FER: variants seen among roughly 807,000 people sequenced by gnomAD.
The protein encoded by FER is tyrosine-protein kinase Fer.
FER carries 63 observed loss-of-function variants against 111.0 expected under a neutral mutation model. The ratio of observed to expected loss-of-function variants is 0.57; its 90% CI spans 0.46 to 0.70. FER has a LOEUF of 0.70. Among genes scored for constraint, FER ranks in the 30% least tolerant of loss-of-function variants. The pLI is 0.00. For synonymous variants in FER, 327 were observed against 313.9 expected (o/e 1.04, Z -0.44); for missense variants, 914 against 954.0 (o/e 0.96, Z 0.55).
At chr5:108,913,342 A>C (rs900875146) in intron 10 of FER, among the ~76,000 whole-genome samples, 2 of 152,220 alleles carry the variant, frequency 1.3e-5, no homozygotes, top group Non-Finnish European at 2.9e-5. Flanking sequence ...CCTTGTATAT[A>C]AATACCAAAC....
At chr5:109,026,679 TTTG>T (rs1202561231) in intron 13 of FER, among the ~76,000 whole-genome samples, 1 of 152,104 alleles carries the variant, frequency 6.6e-6, no homozygotes, top group African/African-American at 2.4e-5. Context: ...ATTGTGACAT[TTTG>T]TTAATTATTC....
intron 3 of FER, among the ~76,000 whole-genome samples, chr5:108,804,916 T>C (rs947998536): frequency 6.6e-6 from 1 of 152,100 alleles, no homozygotes; most frequent in Non-Finnish European, 1.5e-5. Flanking sequence ...GTAGAATTGG[T>C]ACTACCTCTT....
intron 16 of FER, among the ~76,000 whole-genome samples, chr5:109,073,358 C>T (rs1366111997): frequency 6.6e-6 from 1 of 152,140 alleles, no homozygotes. Context: ...GGTTAGTGGT[C>T]AGAGCATTGA....
chr5:109,011,742 A>G (rs1185615717), intron 13 of FER, among the ~76,000 whole-genome samples: 1 of 152,180 alleles, frequency 6.6e-6, no homozygotes, highest in African/African-American at 2.4e-5. Context: ...ATCAAACCCA[A>G]TAAATCTACA....
intron 13 of FER, among the ~76,000 whole-genome samples, chr5:108,964,261 G>A (rs911397349): frequency 1.3e-5 from 2 of 152,126 alleles, no homozygotes; most frequent in Non-Finnish European, 2.9e-5. Flanking sequence ...TGTTTAGGTA[G>A]TGTGTGTGTA....
At chr5:108,917,257 T>A (rs1037498595) in intron 10 of FER, among the ~76,000 whole-genome samples, 1 of 152,186 alleles carries the variant, frequency 6.6e-6, no homozygotes, top group Non-Finnish European at 1.5e-5. Flanking sequence ...TTGCTCATTA[T>A]AATTTTAAAA....
intron 9 of FER, among the ~76,000 whole-genome samples, chr5:108,892,109 A>C (rs544703381): frequency 1.7e-4 from 26 of 152,266 alleles, no homozygotes; most frequent in African/African-American, 5.8e-4. Context: ...TATTGTGAAT[A>C]GTGCCACAAT....
intron 17 of FER, among the ~76,000 whole-genome samples, chr5:109,155,595 T>C (rs1458199074): frequency 6.6e-6 from 1 of 151,940 alleles, no homozygotes; most frequent in Non-Finnish European, 1.5e-5. Context: ...ATCTCAACAC[T>C]CATGGAGAAT....
chr5:109,108,176 A>G lies in FER; in HGVS notation c.2048+7657A>G, dbSNP rs564549613. Among the ~76,000 whole-genome samples, 38 of 152,192 alleles carry G rather than the reference A, an allele frequency of 2.5e-4. 1 individual carries two copies. Among genetic ancestry groups the G allele is most frequent in the Middle Eastern group, 6.8e-3 (2 of 294 alleles). ...TATGCTCATTTAACCTTATATTTCT[A>G]TGAGATTGGTACTATTTAATCTACA... On this transcript the variant is annotated intron_variant, in intron 17 of 19. Transcript: ENST00000281092.
chr5:109,016,609 A>G (rs920252415), intron 13 of FER, among the ~76,000 whole-genome samples: 4 of 152,072 alleles, frequency 2.6e-5, no homozygotes, highest in Admixed American at 6.6e-5. Flanking sequence ...ATGTAAATCA[A>G]ATGACTTAAT....
intron 10 of FER, among the ~76,000 whole-genome samples, chr5:108,904,277 G>A (rs891231893): frequency 2.0e-5 from 3 of 152,120 alleles, no homozygotes; most frequent in Admixed American, 6.5e-5. Flanking sequence ...TTGAAAAAAA[G>A]CAAGATTGGG....
intron 11 of FER, among the ~76,000 whole-genome samples, chr5:108,952,164 C>G (rs1229006891): frequency 6.6e-6 from 1 of 151,978 alleles, no homozygotes; most frequent in Non-Finnish European, 1.5e-5. Context: ...TGCTCCTACC[C>G]CCATATCTTT....
At chr5:108,774,354 C>T (rs62361337) in intron 2 of FER, among the ~76,000 whole-genome samples, 36,452 of 152,070 alleles carry the variant, frequency 0.24, 4,594 homozygotes, top group African/African-American at 0.32. Context: ...AGTGCTGCTG[C>T]AATAAACATA....
chr5:108,763,177 TGC>T, intron 1 of FER, among the ~76,000 whole-genome samples: 1 of 152,182 alleles, frequency 6.6e-6, no homozygotes, highest in Non-Finnish European at 1.5e-5. Flanking sequence ...AATGTGTCGT[TGC>T]CTCACGTAAC....
chr5:108,984,022 A>T (rs1762298760), intron 13 of FER, among the ~76,000 whole-genome samples: 2 of 152,146 alleles, frequency 1.3e-5, no homozygotes. Flanking sequence ...CAGTAAAAAA[A>T]CAAAACAGAC....
In FER at chr5:109,149,447, ATAAATCT is replaced by A. The variant is rs553318494; in HGVS notation, c.2049-31297_2049-31291del. Among the ~76,000 whole-genome samples the A allele has an allele frequency of 1.3e-3, 197 of 152,334 alleles. 1 individual carries two copies. The highest frequency in any genetic ancestry group is 4.4e-3 in the African/African-American group (184 of 41,586). ...AGAAAACTGCTCTATTTGAGTCTTT[ATAAATCT>A]TATGAGGAGCTCTCAATTTCTTTAT... is the stretch of plus-strand genomic sequence containing the variant. On this transcript the variant is annotated intron_variant, in intron 17 of 19. Coordinates refer to ENST00000281092, the MANE Select transcript of FER (RefSeq NM_005246.4).
At chr5:109,149,457 T>C (rs1348518575) in intron 17 of FER, among the ~76,000 whole-genome samples, 3 of 152,226 alleles carry the variant, frequency 2.0e-5, no homozygotes, top group Non-Finnish European at 2.9e-5. Context: ...ATAAATCTTA[T>C]GAGGAGCTCT....
chr5:108,967,982 G>A (rs919032100), intron 13 of FER, among the ~76,000 whole-genome samples: 7 of 152,128 alleles, frequency 4.6e-5, no homozygotes, highest in African/African-American at 1.7e-4. Context: ...GCGTTTGTCT[G>A]CCTCTTGCTG....
intron 17 of FER, among the ~76,000 whole-genome samples, chr5:109,102,464 G>A (rs776215127): frequency 1.3e-5 from 2 of 152,092 alleles, no homozygotes; most frequent in African/African-American, 2.4e-5. Flanking sequence ...GCCATAAAGA[G>A]TCCAGTGATC....
Sources: gnomAD v4.1 joint callset for allele counts (sites outside exome capture counted in the v4.1 genomes callset) on GRCh38, gnomAD v4.1.1 for gene constraint, MANE v1.5 for transcripts, NCBI Gene and HGNC (gene_info 2026-07-23, HGNC 2026-07-21) for gene names.